The following KIRREL3 variants were observed in gnomAD, a reference collection of about 807,000 sequenced individuals.
KIRREL3 encodes kin of IRRE-like protein 3.
A neutral mutation model predicts 89.7 loss-of-function variants in KIRREL3; 36 were observed. That is an observed-to-expected ratio of 0.40 (90% confidence interval 0.31 to 0.53). KIRREL3 has a LOEUF of 0.53. KIRREL3 is among the 20% of genes least tolerant of loss of function. The pLI is 0.49. For synonymous variants in KIRREL3, 445 were observed against 441.4 expected (o/e 1.01, Z -0.10); for missense variants, 864 against 1,056.6 (o/e 0.82, Z 2.53).
chr11:126,607,531 C>T lies in KIRREL3; in HGVS notation c.56-44619G>A, dbSNP rs562777648. ...CTCAGGAGCAGGAACTGGGCTCCCG[C>T]TGGAGAGAAGCAGCGCTCCACGTTC... On this transcript the variant is annotated intron_variant, in intron 1 of 16. Transcript: ENST00000525144. This position sits in a 1 kb window ranked among gnomAD's most constrained non-coding sequence, Gnocchi z 6.6. Among the ~76,000 whole-genome samples, 56 of 152,234 alleles carry T rather than the reference C, an allele frequency of 3.7e-4. No individual in the cohort carries two copies. The highest frequency in any genetic ancestry group is 1.3e-3 in the African/African-American group (55 of 41,546).
rs915335043 is a variant in KIRREL3 at position 126,527,782 on chromosome 11, T to C, written c.134-1095A>G. Among the ~76,000 whole-genome samples, 1 of 152,064 alleles carries C rather than the reference T, an allele frequency of 6.6e-6. No homozygotes were observed. The highest frequency in any genetic ancestry group is 2.4e-5 in the African/African-American group (1 of 41,386). On this transcript the variant is annotated intron_variant, in intron 2 of 16. Coordinates refer to ENST00000525144, the MANE Select transcript of KIRREL3 (RefSeq NM_032531.4). The surrounding 1 kb of genome is among the most constrained non-coding windows in gnomAD (Gnocchi z 4.2). ...GGGTGGGTGGTGCGGTGAATCCAAG[T>C]CTTTCTGGCTCTGAAGACCATGCTC... is the stretch of plus-strand genomic sequence containing the variant.
At position 126,505,348 on chromosome 11, in the gene KIRREL3, T is replaced by A. The variant is rs1012276381; in HGVS notation, c.433+15967A>T. ...ACTCTGGGAGGCTGAGGCCGGTGGA[T>A]CACTTGAGGCCAGGAGTTCGAGACC... On this transcript the variant is annotated intron_variant, in intron 4 of 16. Transcript: ENST00000525144. Among the ~76,000 whole-genome samples, 9 of 152,192 alleles carry A rather than the reference T, an allele frequency of 5.9e-5. 1 individual carries two copies. Among genetic ancestry groups the A allele is most frequent in the Admixed American group, 4.6e-4 (7 of 15,288 alleles).
At chr11:126,688,350 A>G (rs779928554) in intron 1 of KIRREL3, among the ~76,000 whole-genome samples, 2 of 152,234 alleles carry the variant, frequency 1.3e-5, no homozygotes, top group Non-Finnish European at 2.9e-5. Flanking sequence ...CTCTGTGGAC[A>G]TGTTTGGGTG....
intron 11 of KIRREL3, 62 bp downstream of exon 11, chr11:126,440,387 T>G (rs1955513983): frequency 6.9e-7 from 1 of 1,458,158 alleles, no homozygotes; most frequent in Non-Finnish European, 9.4e-7. Context: ...CACCCAGGTA[T>G]TGGCAAAAGT....
At chr11:126,913,121 G>T (rs1946893467) in intron 1 of KIRREL3, among the ~76,000 whole-genome samples, 1 of 152,212 alleles carries the variant, frequency 6.6e-6, no homozygotes, top group Non-Finnish European at 1.5e-5. Context: ...GCTGAGGCTG[G>T]ACAGTTGAGC....
rs972117155 is a variant in KIRREL3, at chr11:126,807,387, T to G, written c.55+193068A>C. Among the ~76,000 whole-genome samples the G allele has an allele frequency of 2.0e-5, 3 of 152,238 alleles. No individual in the cohort carries two copies. The highest frequency in any genetic ancestry group is 7.2e-5 in the African/African-American group (3 of 41,466). ...AAACCTGGGGAATGAAACTCTGCCA[T>G]GTACACATGTTCTAACCTGTATTTT... On this transcript the variant is annotated intron_variant, in intron 1 of 16. Transcript: ENST00000525144. This position sits in a 1 kb window ranked among gnomAD's most constrained non-coding sequence, Gnocchi z 4.3.
Position 126,954,498 on chromosome 11 carries a change from A to G in KIRREL3, c.55+45957T>C, listed in dbSNP as rs572642487. Among the ~76,000 whole-genome samples the G allele has an allele frequency of 1.1e-4, 17 of 151,986 alleles. No individual in the cohort carries two copies. The highest frequency in any genetic ancestry group is 4.1e-4 in the African/African-American group (17 of 41,460). On this transcript the variant is annotated intron_variant, in intron 1 of 16. Coordinates refer to ENST00000525144, the MANE Select transcript of KIRREL3 (RefSeq NM_032531.4). The surrounding 1 kb of genome is among the most constrained non-coding windows in gnomAD (Gnocchi z 4.1). ...CCTGCCTTTCTTGTTCCTCCTGTCT[A>G]TCTCCCTCCTCCCCATCCCCTCGTC...
chr11:126,976,740 T>C lies in KIRREL3; in HGVS notation c.55+23715A>G, dbSNP rs76481985. Among the ~76,000 whole-genome samples, 2,105 of 152,308 alleles carry C rather than the reference T, an allele frequency of 0.014. 43 individuals are homozygous for C. The highest frequency in any genetic ancestry group is 0.047 in the African/African-American group (1,964 of 41,542). ...ACTTGCAGCGTATCATTTAATCTAC[T>C]TAACAAATCTATGGCATACATACTC... On this transcript the variant is annotated intron_variant, in intron 1 of 16. Transcript: ENST00000525144. This position sits in a 1 kb window ranked among gnomAD's most constrained non-coding sequence, Gnocchi z 4.2.
At position 126,477,089 on chromosome 11, in the gene KIRREL3, GGGTCCCCAGAGCT is replaced by G. The variant is rs1957087905; in HGVS notation, c.434-3636_434-3624del. On this transcript the variant is annotated intron_variant, in intron 4 of 16. Coordinates refer to ENST00000525144, the MANE Select transcript of KIRREL3 (RefSeq NM_032531.4). This position sits in a 1 kb window ranked among gnomAD's most constrained non-coding sequence, Gnocchi z 4.8. ...GGACTGAGCGGATCCCAGGCAGAGTGGGTCCCCAGAGCTGGAAGCCAGCCTAAGAGGCCACAGC... is the reference window on the plus strand; with the variant it reads ...GGACTGAGCGGATCCCAGGCAGAGTGGGAAGCCAGCCTAAGAGGCCACAGC... Among the ~76,000 whole-genome samples the G allele has an allele frequency of 6.6e-6, 1 of 152,242 alleles. No individual in the cohort carries two copies. The highest frequency in any genetic ancestry group is 6.5e-5 in the Admixed American group (1 of 15,284).
In KIRREL3 at chr11:127,000,515, A is replaced by C. The variant is rs775306762; in HGVS notation, c.-6T>G. On this transcript the variant is annotated 5_prime_UTR_variant, in exon 1 of 17. Coordinates refer to ENST00000525144, the MANE Select transcript of KIRREL3 (RefSeq NM_032531.4). This position sits in a 1 kb window ranked among gnomAD's most constrained non-coding sequence, Gnocchi z 7.1. ...TCGAGCTGGAAGGGTTTCATTCCTT[A>C]GCGCAGCGAAGGAAAGCCGGCGGGG... The C allele has an allele frequency of 6.2e-7, 1 of 1,603,584 alleles. No homozygotes were observed. Among genetic ancestry groups the C allele is most frequent in the East Asian group, 2.3e-5 (1 of 44,346 alleles).
In KIRREL3 at chr11:126,943,677, A is replaced by G. The variant is rs577335975; in HGVS notation, c.55+56778T>C. 3.3e-5 allele frequency among the ~76,000 whole-genome samples: 5 copies of G among 152,294 alleles called. No individual in the cohort carries two copies. The highest frequency in any genetic ancestry group is 3.3e-4 in the Admixed American group (5 of 15,302). On this transcript the variant is annotated intron_variant, in intron 1 of 16. Transcript: ENST00000525144. This position sits in a 1 kb window ranked among gnomAD's most constrained non-coding sequence, Gnocchi z 4.2. ...CTGCAGGGTCACCAGGGCCAGAATG[A>G]CTGATGTGAGGGGTCAAGGGCAGGC...
At chr11:126,862,410 G>T (rs1944733490) in intron 1 of KIRREL3, among the ~76,000 whole-genome samples, 1 of 152,220 alleles carries the variant, frequency 6.6e-6, no homozygotes, top group Non-Finnish European at 1.5e-5. Context: ...AATGAAGCCA[G>T]CCCTCTGCTG....
intron 4 of KIRREL3, among the ~76,000 whole-genome samples, chr11:126,509,851 G>C (rs1160135832): frequency 1.3e-5 from 2 of 151,984 alleles, no homozygotes; most frequent in Non-Finnish European, 2.9e-5. Context: ...CAGAAAATTA[G>C]CTGGGCGTGG....
chr11:126,960,119 G>C, intron 1 of KIRREL3, among the ~76,000 whole-genome samples: 1 of 152,098 alleles, frequency 6.6e-6, no homozygotes, highest in African/African-American at 2.4e-5. Flanking sequence ...ATGGGGTATA[G>C]GGAAGGAGGC....
Position 126,636,374 on chromosome 11 carries a change from A to G in KIRREL3, c.56-73462T>C, listed in dbSNP as rs930789818. 6.6e-6 allele frequency among the ~76,000 whole-genome samples: 1 copy of G among 152,230 alleles called. No individual in the cohort carries two copies. The highest frequency in any genetic ancestry group is 1.5e-5 in the Non-Finnish European group (1 of 68,040). Reference sequence around the variant, plus strand: ...GGTAACCCAGCATCTGCCGTTTAACAGATGCCCTGTAAGTGAGTGCCTTCC... The same window carrying G: ...GGTAACCCAGCATCTGCCGTTTAACGGATGCCCTGTAAGTGAGTGCCTTCC... On this transcript the variant is annotated intron_variant, in intron 1 of 16. Transcript: ENST00000525144. This position sits in a 1 kb window ranked among gnomAD's most constrained non-coding sequence, Gnocchi z 4.4.
At chr11:126,925,121 C>T (rs999204084) in intron 1 of KIRREL3, among the ~76,000 whole-genome samples, 30 of 143,432 alleles carry the variant, frequency 2.1e-4, no homozygotes, top group African/African-American at 7.4e-4. Context: ...GGCTGTTGGT[C>T]ACAGGATTGT....
rs907349787 is a variant in KIRREL3, at chr11:126,769,453, G to T, written c.56-206541C>A. Among the ~76,000 whole-genome samples the T allele has an allele frequency of 6.6e-6, 1 of 152,142 alleles. No homozygotes were observed. The highest frequency in any genetic ancestry group is 1.5e-5 in the Non-Finnish European group (1 of 68,042). Reference sequence around the variant, plus strand: ...TGGATAGATATTGCCATCAAGAAGAGGGGCCCACTCCCCGTGAAAACCGTG... The same window carrying T: ...TGGATAGATATTGCCATCAAGAAGATGGGCCCACTCCCCGTGAAAACCGTG... On this transcript the variant is annotated intron_variant, in intron 1 of 16. Coordinates refer to ENST00000525144, the MANE Select transcript of KIRREL3 (RefSeq NM_032531.4). This position sits in a 1 kb window ranked among gnomAD's most constrained non-coding sequence, Gnocchi z 4.3.
Position 126,431,031 on chromosome 11 carries a change from T to C in KIRREL3, c.1696+388A>G, listed in dbSNP as rs1565443441. 1.7e-6 allele frequency: 2 copies of C among 1,199,334 alleles called. No homozygotes were observed. The highest frequency in any genetic ancestry group is 8.0e-5 in the East Asian group (2 of 25,106). The allele number at this position is 1,199,334 out of a possible 1,614,324, so 74.3% of individuals were successfully genotyped here. On this transcript the variant is annotated intron_variant, in intron 14 of 16. Transcript: ENST00000525144. The surrounding 1 kb of genome is among the most constrained non-coding windows in gnomAD (Gnocchi z 7.1). ...CTGCTTTTCTGGTGAGACTAGCAGC[T>C]CTTTATTTTTATTTTGTTGTAGAGA...
intron 10 of KIRREL3, 63 bp from the exon 11 acceptor site, chr11:126,440,612 G>C: frequency 7.1e-7 from 1 of 1,410,784 alleles, no homozygotes; most frequent in Non-Finnish European, 9.8e-7. Context: ...GCGCCCTCTT[G>C]GGTGGGTTCA....
Sources: allele counts gnomAD v4.1 joint callset (sites outside exome capture counted in the v4.1 genomes callset), GRCh38; gene constraint gnomAD v4.1.1; non-coding constraint Gnocchi (gnomAD v3.1); transcripts MANE v1.5; gene names NCBI Gene and HGNC (gene_info 2026-07-23, HGNC 2026-07-21).